CHLSN: variants seen among roughly 807,000 people sequenced by gnomAD.
CHLSN encodes the protein protein cholesin.
chr7:992,548 A>C, the CHLSN span, among the ~76,000 whole-genome samples: 1 of 152,244 alleles, frequency 6.6e-6, no homozygotes. Context: ...CAGGGAACAC[A>C]CATGTAGGGG....
chr7:1,027,026 G>A, the CHLSN span: 1 of 152,220 alleles, frequency 6.6e-6, no homozygotes, highest in Non-Finnish European at 1.5e-5. Flanking sequence ...CCGTGCAGGA[G>A]CCTGGAAGAT....
the CHLSN span, among the ~76,000 whole-genome samples, chr7:1,079,614 T>C: frequency 6.6e-6 from 1 of 152,170 alleles, no homozygotes; most frequent in Non-Finnish European, 1.5e-5. Context: ...CCCCCCTCCC[T>C]GCCCAATGTA....
chr7:1,101,350 A>G, the CHLSN span, among the ~76,000 whole-genome samples: 37 of 151,338 alleles, frequency 2.4e-4, no homozygotes, highest in African/African-American at 8.6e-4. Context: ...TCCACCTGAA[A>G]CCTACTGCCA....
At chr7:988,125 C>T in the CHLSN span, 39 of 921,032 alleles carry the variant, frequency 4.2e-5, 1 homozygote, top group Non-Finnish European at 2.4e-5. Flanking sequence ...GTCATGTGGC[C>T]TCCCTGGGTT....
chr7:1,104,539 C>G, the CHLSN span, among the ~76,000 whole-genome samples: 2 of 152,240 alleles, frequency 1.3e-5, no homozygotes, highest in Non-Finnish European at 2.9e-5. Flanking sequence ...GCAGAGCTTT[C>G]CTCCAGGTCA....
the CHLSN span, among the ~76,000 whole-genome samples, chr7:1,101,974 C>T: frequency 4.6e-5 from 7 of 152,246 alleles, no homozygotes; most frequent in African/African-American, 1.7e-4. Context: ...AGCTGCAGTG[C>T]CTTGGCAGCG....
the CHLSN span, among the ~76,000 whole-genome samples, chr7:1,064,373 A>G: frequency 6.6e-6 from 1 of 152,198 alleles, no homozygotes; most frequent in South Asian, 2.1e-4. Context: ...GACAAGGCTT[A>G]CCTTGCTCCA....
chr7:1,101,477 A>G, the CHLSN span, among the ~76,000 whole-genome samples: 1 of 152,188 alleles, frequency 6.6e-6, no homozygotes, highest in East Asian at 1.9e-4. Flanking sequence ...GAGCCTCTGA[A>G]CATGACACAG....
chr7:1,028,476 G>A, the CHLSN span: 1 of 985,400 alleles, frequency 1.0e-6, no homozygotes, highest in African/African-American at 1.7e-5. Context: ...GGAGAGCCGG[G>A]GCGGGGCCTC....
At chr7:1,040,985 C>T in the CHLSN span, among the ~76,000 whole-genome samples, 2 of 152,370 alleles carry the variant, frequency 1.3e-5, no homozygotes, top group Admixed American at 6.5e-5. Context: ...CCGGGGTCAA[C>T]CCGAAGCCAG....
At chr7:1,036,724 C>T in the CHLSN span, among the ~76,000 whole-genome samples, 30 of 149,234 alleles carry the variant, frequency 2.0e-4, 5 homozygotes, top group Non-Finnish European at 3.5e-4. Flanking sequence ...TTTGGAGGAG[C>T]GGGATTGAGA....
chr7:1,130,398 G>A, the CHLSN span, among the ~76,000 whole-genome samples: 1 of 152,150 alleles, frequency 6.6e-6, no homozygotes, highest in Non-Finnish European at 1.5e-5. Flanking sequence ...GCAGCGGGCA[G>A]GGACAAGGCT....
At chr7:1,116,008 C>T in the CHLSN span, among the ~76,000 whole-genome samples, 13 of 132,212 alleles carry the variant, frequency 9.8e-5, no homozygotes, top group South Asian at 7.9e-4. Flanking sequence ...CCAGCACCGA[C>T]GCCCACGCAG....
At chr7:1,101,310 G>T in the CHLSN span, among the ~76,000 whole-genome samples, 1 of 152,252 alleles carries the variant, frequency 6.6e-6, no homozygotes, top group African/African-American at 2.4e-5. Flanking sequence ...GGACGCTGGT[G>T]TGCTGCTGAG....
At chr7:987,605 C>T in the CHLSN span, 706 of 1,361,514 alleles carry the variant, frequency 5.2e-4, 1 homozygote, top group Non-Finnish European at 6.3e-4. Flanking sequence ...GGCACTGGGA[C>T]GGCTGAGCGT....
At chr7:1,026,180 GGGC>G in the CHLSN span, 2 of 152,338 alleles carry the variant, frequency 1.3e-5, no homozygotes, top group African/African-American at 4.8e-5. Context: ...AGGTAGGGCT[GGGC>G]GGCTCCAATT....
the CHLSN span, among the ~76,000 whole-genome samples, chr7:1,067,967 C>A: frequency 1.3e-5 from 2 of 152,178 alleles, no homozygotes; most frequent in Non-Finnish European, 1.5e-5. Context: ...GGGAGGCTTC[C>A]CGCCTCTGGC....
chr7:1,048,860 A>G, the CHLSN span, among the ~76,000 whole-genome samples: 1 of 152,202 alleles, frequency 6.6e-6, no homozygotes, highest in African/African-American at 2.4e-5. Context: ...TCTCCTTCTC[A>G]GTCCCATGTT....
the CHLSN span, among the ~76,000 whole-genome samples, chr7:1,112,475 G>C: frequency 1.6e-3 from 237 of 152,336 alleles, 1 homozygote; most frequent in South Asian, 5.8e-3. Flanking sequence ...GACCACAGGA[G>C]TGCCCCACAC....
Sources: allele counts gnomAD v4.1 joint callset (sites outside exome capture counted in the v4.1 genomes callset), GRCh38; gene constraint gnomAD v4.1.1; transcripts MANE v1.5; gene names NCBI Gene and HGNC (gene_info 2026-07-23, HGNC 2026-07-21).